Variants in MAP3K2 observed in about 807,000 individuals in gnomAD.
MAP3K2 encodes the protein MAP/ERK kinase kinase 2.
In MAP3K2, 24 loss-of-function variants were observed where a neutral mutation model predicts 80.3. That is an observed-to-expected ratio of 0.30 (90% CI 0.22 to 0.42). The LOEUF is 0.42. Ranked by LOEUF, MAP3K2 falls within the 10% of genes least tolerant of loss-of-function variation. The pLI, the probability that MAP3K2 is intolerant of heterozygous loss-of-function variation, is 1.00. For missense variants in MAP3K2, 608 were observed against 750.1 expected (o/e 0.81, Z 2.21); for synonymous variants, 244 against 253.7 (o/e 0.96, Z 0.36).
In MAP3K2 at chr2:127,326,793, G is replaced by A; in HGVS notation, c.491C>T (p.Ser164Phe). 6.3e-7 allele frequency: 1 copy of A among 1,596,510 alleles called. No homozygotes were observed. The highest frequency in any genetic ancestry group is 8.5e-7 in the Non-Finnish European group (1 of 1,170,498). Reference protein sequence around the residue: ...IIGPTSRDRSSPPPGYIPDEL... With the variant: ...IIGPTSRDRSFPPPGYIPDEL... Reference sequence around the variant, plus strand: ...ATCTGGAATGTAACCTGGGGGAGGAGAACTTCTATCTCTACTAGTAGGACC... The same window carrying A: ...ATCTGGAATGTAACCTGGGGGAGGAAAACTTCTATCTCTACTAGTAGGACC... Residue 164 changes from serine to phenylalanine, a missense_variant, in exon 8 of 17, where the codon TCT (serine) becomes TTT (phenylalanine). This residue lies in a region of MAP3K2 where 467 missense variants were observed against 521.9 expected (regional missense o/e 0.89). Transcript: ENST00000682094.
rs1361232193 is a variant in MAP3K2 at position 127,387,937 on chromosome 2, G to A, written c.-551C>T. 9 of 984,704 alleles carry A rather than the reference G, an allele frequency of 9.1e-6. No individual in the cohort carries two copies. Among genetic ancestry groups the A allele is most frequent in the South Asian group, 4.7e-5 (1 of 21,286 alleles). 61.0% of individuals were successfully genotyped at this position (984,704 alleles called of 1,614,324 possible). ...ACCCTCGTCAGGCGCCGCCGCTGAGGGCAGGCAGCCCGGCAGCCACTACAC... is the reference window on the plus strand; with the variant it reads ...ACCCTCGTCAGGCGCCGCCGCTGAGAGCAGGCAGCCCGGCAGCCACTACAC... On this transcript the variant is annotated 5_prime_UTR_variant, in exon 1 of 17. Transcript: ENST00000682094.
chr2:127,326,597 A>G (rs1415213504), intron 8 of MAP3K2, 90 bp downstream of exon 8: 6 of 885,606 alleles, frequency 6.8e-6, no homozygotes, highest in Non-Finnish European at 9.6e-6. Flanking sequence ...AGAAGAGATA[A>G]TACACACACA....
rs1204080605 is a variant in MAP3K2, at chr2:127,300,839, G to A, written c.*6740C>T. The A allele has an allele frequency of 1.3e-5, 2 of 151,976 alleles. No individual in the cohort carries two copies. Among genetic ancestry groups the A allele is most frequent in the African/African-American group, 4.8e-5 (2 of 41,356 alleles). 9.4% of individuals were successfully genotyped at this position (151,976 alleles called of 1,614,324 possible). On this transcript the variant is annotated 3_prime_UTR_variant, in exon 17 of 17. Coordinates refer to ENST00000682094, the MANE Select transcript of MAP3K2 (RefSeq NM_001371910.2). Reference sequence around the variant, plus strand: ...CTAGTCCTCTCTTCTTATTCCAGGTGGAAAAAATTCTTTGGAAAAGTAAGA... The same window carrying A: ...CTAGTCCTCTCTTCTTATTCCAGGTAGAAAAAATTCTTTGGAAAAGTAAGA...
chr2:127,355,793 A>G (rs1388953360), intron 1 of MAP3K2, among the ~76,000 whole-genome samples: 1 of 152,146 alleles, frequency 6.6e-6, no homozygotes, highest in East Asian at 1.9e-4. Context: ...CTGTTTGATA[A>G]AATTTTACCC....
chr2:127,345,214 C>G (rs976793643), intron 1 of MAP3K2, among the ~76,000 whole-genome samples: 12 of 152,102 alleles, frequency 7.9e-5, no homozygotes, highest in African/African-American at 2.7e-4. Context: ...ACTATGCAAA[C>G]AGTAGTCAAA....
intron 12 of MAP3K2, among the ~76,000 whole-genome samples, chr2:127,320,035 G>C (rs1304624148): frequency 1.3e-5 from 2 of 152,114 alleles, no homozygotes; most frequent in Non-Finnish European, 2.9e-5. Context: ...AGCAGAAGAA[G>C]AGCTGTGCCT....
chr2:127,384,088 G>A (rs1687301226), intron 1 of MAP3K2, among the ~76,000 whole-genome samples: 1 of 151,388 alleles, frequency 6.6e-6, no homozygotes, highest in African/African-American at 2.4e-5. Flanking sequence ...GTAAAGACGG[G>A]GTTTCATCCT....
chr2:127,373,771 A>G (rs1281308234), intron 1 of MAP3K2, among the ~76,000 whole-genome samples: 1 of 152,228 alleles, frequency 6.6e-6, no homozygotes, highest in Admixed American at 6.5e-5. Context: ...CTCTATGTCC[A>G]GTGAGTCAAT....
At chr2:127,379,840 C>A (rs1687216744) in intron 1 of MAP3K2, among the ~76,000 whole-genome samples, 1 of 152,160 alleles carries the variant, frequency 6.6e-6, no homozygotes, top group South Asian at 2.1e-4. Flanking sequence ...GATGTGTGAA[C>A]CTAAGCAAGT....
At chr2:127,348,946 T>G (rs1320733119) in intron 1 of MAP3K2, among the ~76,000 whole-genome samples, 1 of 152,044 alleles carries the variant, frequency 6.6e-6, no homozygotes, top group Non-Finnish European at 1.5e-5. Flanking sequence ...TAATGTGAGA[T>G]CTCCCCAATT....
intron 1 of MAP3K2, among the ~76,000 whole-genome samples, chr2:127,373,492 A>G (rs1383870724): frequency 6.6e-6 from 1 of 152,220 alleles, no homozygotes; most frequent in Non-Finnish European, 1.5e-5. Flanking sequence ...ATAACTACTG[A>G]TAAGTTACAA....
rs1685566815 is a variant in MAP3K2 at position 127,300,312 on chromosome 2, T to C, written c.*7267A>G. 1.3e-5 allele frequency: 2 copies of C among 152,054 alleles called. No individual in the cohort carries two copies. The highest frequency in any genetic ancestry group is 4.8e-5 in the African/African-American group (2 of 41,428). The allele number at this position is 152,054 out of a possible 1,614,324, so 9.4% of individuals were successfully genotyped here. On this transcript the variant is annotated 3_prime_UTR_variant, in exon 17 of 17. Coordinates refer to ENST00000682094, the MANE Select transcript of MAP3K2 (RefSeq NM_001371910.2). ...AAATGTGCAAAAATGTCAATCTTAA[T>C]AGGAAAAAAACCCTTTGTACATAAT...
intron 4 of MAP3K2, among the ~76,000 whole-genome samples, chr2:127,336,911 C>T (rs1186158648): frequency 1.3e-5 from 2 of 152,064 alleles, no homozygotes; most frequent in East Asian, 1.9e-4. Context: ...GAGGCCGGGG[C>T]GGGTGGATCA....
At chr2:127,361,129 C>G (rs1207777085) in intron 1 of MAP3K2, among the ~76,000 whole-genome samples, 2 of 151,808 alleles carry the variant, frequency 1.3e-5, no homozygotes, top group Non-Finnish European at 2.9e-5. Flanking sequence ...CTGGCTAACA[C>G]AGTAAAACCC....
intron 1 of MAP3K2, among the ~76,000 whole-genome samples, chr2:127,348,478 T>C (rs1188523213): frequency 6.6e-6 from 1 of 152,124 alleles, no homozygotes; most frequent in Non-Finnish European, 1.5e-5. Context: ...TTATGCTAAG[T>C]GGAATAAGCC....
At chr2:127,337,388 TA>T (rs770364904) in intron 4 of MAP3K2, among the ~76,000 whole-genome samples, 1 of 152,156 alleles carries the variant, frequency 6.6e-6, no homozygotes, top group South Asian at 2.1e-4. Flanking sequence ...CTCACATATA[TA>T]AATGCTATAT....
At chr2:127,343,448 A>C (rs1686538286) in intron 1 of MAP3K2, among the ~76,000 whole-genome samples, 1 of 152,200 alleles carries the variant, frequency 6.6e-6, no homozygotes, top group Admixed American at 6.5e-5. Context: ...TGTACAAACC[A>C]TTATCAGTTG....
chr2:127,316,790 G>C (rs1404484381), intron 14 of MAP3K2: 1 of 152,160 alleles, frequency 6.6e-6, no homozygotes, highest in Non-Finnish European at 1.5e-5. Flanking sequence ...GATAAAAAAG[G>C]CTGAATGTGA....
At chr2:127,370,113 G>C (rs1039789667) in intron 1 of MAP3K2, among the ~76,000 whole-genome samples, 1 of 142,858 alleles carries the variant, frequency 7.0e-6, no homozygotes, top group Admixed American at 6.8e-5. Flanking sequence ...AGACTAGCGG[G>C]GGGTGGGGGT....
Sources: allele counts gnomAD v4.1 joint callset (sites outside exome capture counted in the v4.1 genomes callset), GRCh38; gene constraint gnomAD v4.1.1; regional missense constraint gnomAD v4.1.1; transcripts MANE v1.5; gene names NCBI Gene and HGNC (gene_info 2026-07-23, HGNC 2026-07-21).